Variants in PARD3B observed in about 807,000 individuals in gnomAD.
The protein encoded by PARD3B is par-3 family cell polarity regulator beta.
A neutral mutation model predicts 130.2 loss-of-function variants in PARD3B; 103 were observed. The ratio of observed to expected loss-of-function variants is 0.79; its 90% CI spans 0.67 to 0.93. PARD3B has a LOEUF of 0.93. Ranked by LOEUF, PARD3B falls within the 40% of genes least tolerant of loss-of-function variation. The pLI is 0.00. For synonymous variants in PARD3B, 583 were observed against 553.2 expected (o/e 1.05, Z -0.76); for missense variants, 1,609 against 1,499.2 (o/e 1.07, Z -1.21).
intron 3 of PARD3B, among the ~76,000 whole-genome samples, chr2:205,013,909 C>G (rs561446188): frequency 7.9e-5 from 12 of 152,158 alleles, no homozygotes; most frequent in African/African-American, 2.4e-4. Context: ...CATTTGAGAA[C>G]CAAGGTGTCA....
chr2:205,282,646 A>G (rs1385918270), intron 16 of PARD3B, among the ~76,000 whole-genome samples: 1 of 152,058 alleles, frequency 6.6e-6, no homozygotes, highest in Non-Finnish European at 1.5e-5. Flanking sequence ...GGGCTGTAAC[A>G]TCAGGATTTT....
At chr2:204,616,093 A>T (rs2034102306) in intron 1 of PARD3B, among the ~76,000 whole-genome samples, 3 of 152,200 alleles carry the variant, frequency 2.0e-5, no homozygotes, top group Non-Finnish European at 2.9e-5. Context: ...CACCAAAGGC[A>T]CAGTACATTA....
chr2:205,069,734 A>G (rs1477530625), intron 4 of PARD3B, among the ~76,000 whole-genome samples: 7 of 152,056 alleles, frequency 4.6e-5, no homozygotes, highest in Non-Finnish European at 1.0e-4. Context: ...AAGAAGCCGC[A>G]CTTGAACTCA....
At chr2:205,237,331 A>T (rs1574472087) in intron 15 of PARD3B, among the ~76,000 whole-genome samples, 1 of 152,124 alleles carries the variant, frequency 6.6e-6, no homozygotes, top group Non-Finnish European at 1.5e-5. Flanking sequence ...TGAATGCCTG[A>T]CCTCAGATGA....
At chr2:204,786,106 T>C (rs1178903735) in intron 2 of PARD3B, among the ~76,000 whole-genome samples, 13 of 92,324 alleles carry the variant, frequency 1.4e-4, no homozygotes, top group Middle Eastern at 6.3e-3. Flanking sequence ...AGAGTGAGAC[T>C]CCATCTCAAA....
intron 2 of PARD3B, among the ~76,000 whole-genome samples, chr2:204,925,068 T>C (rs181226261): frequency 2.8e-4 from 42 of 151,260 alleles, no homozygotes; most frequent in Admixed American, 8.5e-4. Flanking sequence ...GGTATCTATG[T>C]ATATAAGATA....
chr2:205,183,865 G>T lies in PARD3B; in HGVS notation c.1925-1899G>T, dbSNP rs908106767. 6.6e-6 allele frequency among the ~76,000 whole-genome samples: 1 copy of T among 152,018 alleles called. No individual in the cohort carries two copies. The highest frequency in any genetic ancestry group is 2.4e-5 in the African/African-American group (1 of 41,400). The stretch of plus-strand genomic sequence containing the variant: ...GATGAGTCAGCAAGCTGGGGTTGCA[G>T]AAGAGTTGATGGTGCAGATTGAGTC... On this transcript the variant is annotated intron_variant, in intron 13 of 22. Coordinates refer to ENST00000406610, the MANE Select transcript of PARD3B (RefSeq NM_001302769.2). This position sits in a 1 kb window ranked among gnomAD's most constrained non-coding sequence, Gnocchi z 5.2.
chr2:204,893,934 T>G (rs2046543405), intron 2 of PARD3B, among the ~76,000 whole-genome samples: 1 of 152,146 alleles, frequency 6.6e-6, no homozygotes. Context: ...AATGAGAAAT[T>G]AATTAAGGCT....
At position 205,158,254 on chromosome 2, in the gene PARD3B, A is replaced by G. The variant is rs1203951093; in HGVS notation, c.1435-468A>G. Reference sequence around the variant, plus strand: ...TTCCATAGTAAATGATATGTTTTAAATTATATATGCCCCATATTTTCCTGA... The same window carrying G: ...TTCCATAGTAAATGATATGTTTTAAGTTATATATGCCCCATATTTTCCTGA... On this transcript the variant is annotated intron_variant, in intron 10 of 22. Coordinates refer to ENST00000406610, the MANE Select transcript of PARD3B (RefSeq NM_001302769.2). This position sits in a 1 kb window ranked among gnomAD's most constrained non-coding sequence, Gnocchi z 5.4. Among the ~76,000 whole-genome samples the G allele has an allele frequency of 2.0e-5, 3 of 152,144 alleles. No individual in the cohort carries two copies. Among genetic ancestry groups the G allele is most frequent in the African/African-American group, 7.2e-5 (3 of 41,426 alleles).
intron 1 of PARD3B, among the ~76,000 whole-genome samples, chr2:204,590,805 C>T (rs2033041732): frequency 6.6e-6 from 1 of 152,192 alleles, no homozygotes. Context: ...AAATATCTGA[C>T]CTTCACTTTT....
At chr2:204,804,368 C>G (rs1014570380) in intron 2 of PARD3B, among the ~76,000 whole-genome samples, 1 of 152,028 alleles carries the variant, frequency 6.6e-6, no homozygotes, top group Non-Finnish European at 1.5e-5. Context: ...ATAAGACAAA[C>G]TAGATTTCAA....
At chr2:205,606,705 GTC>G (rs2055011828) in intron 22 of PARD3B, among the ~76,000 whole-genome samples, 1 of 152,200 alleles carries the variant, frequency 6.6e-6, no homozygotes, top group Non-Finnish European at 1.5e-5. Context: ...TCAGAGGAAT[GTC>G]TCTGTTTCCA....
At chr2:205,539,058 A>G (rs1198100473) in intron 21 of PARD3B, among the ~76,000 whole-genome samples, 1 of 152,170 alleles carries the variant, frequency 6.6e-6, no homozygotes, top group Non-Finnish European at 1.5e-5. Context: ...CCACTATGGC[A>G]CACTGTGTGC....
intron 15 of PARD3B, among the ~76,000 whole-genome samples, chr2:205,238,849 A>AAAAATATAT (rs1273582854): frequency 1.2e-4 from 9 of 76,904 alleles, no homozygotes; most frequent in East Asian, 1.1e-3. Flanking sequence ...AAAAAAAAAA[A>AAAAATATAT]ATATATATAT....
In PARD3B at chr2:205,168,651, T is replaced by C. The variant is rs192022607; in HGVS notation, c.1621-3560T>C. Among the ~76,000 whole-genome samples the C allele has an allele frequency of 1.8e-4, 27 of 150,934 alleles. No homozygotes were observed. The East Asian group carries it at 4.9e-3, about 27-fold the overall frequency. On this transcript the variant is annotated intron_variant, in intron 11 of 22. Transcript: ENST00000406610. ...ATGTATGGATGTCTAGCTAAGTAGG[T>C]AGACAGCCTTTTTTTTTTTTTTTTC...
intron 21 of PARD3B, among the ~76,000 whole-genome samples, chr2:205,541,185 T>TA: frequency 6.6e-6 from 1 of 152,292 alleles, no homozygotes; most frequent in Admixed American, 6.5e-5. Context: ...ACCTGTACGC[T>TA]AAGATTTAGA....
intron 2 of PARD3B, among the ~76,000 whole-genome samples, 192 bp from the exon 3 acceptor site, chr2:204,964,960 T>C (rs1691096682): frequency 6.6e-6 from 1 of 152,182 alleles, no homozygotes; most frequent in Non-Finnish European, 1.5e-5. Flanking sequence ...CCAGTATTTA[T>C]TATTTCTTGA....
intron 16 of PARD3B, among the ~76,000 whole-genome samples, chr2:205,299,832 A>G (rs1045780446): frequency 2.0e-5 from 3 of 152,244 alleles, no homozygotes; most frequent in Non-Finnish European, 2.9e-5. Flanking sequence ...CCAAATAGGA[A>G]TACATTCAGA....
intron 10 of PARD3B, among the ~76,000 whole-genome samples, chr2:205,153,030 T>G (rs1209370909): frequency 3.9e-5 from 6 of 152,234 alleles, no homozygotes; most frequent in Non-Finnish European, 8.8e-5. Flanking sequence ...GCTGCAGGTC[T>G]GTTAGAGTTT....
Sources: gnomAD v4.1 joint callset for allele counts (sites outside exome capture counted in the v4.1 genomes callset) on GRCh38, gnomAD v4.1.1 for gene constraint, Gnocchi (gnomAD v3.1) non-coding constraint, MANE v1.5 for transcripts, NCBI Gene and HGNC (gene_info 2026-07-23, HGNC 2026-07-21) for gene names.